ZNF516: variants seen among roughly 807,000 people sequenced by gnomAD.
ZNF516 encodes zinc finger protein 516.
In ZNF516, 19 loss-of-function variants were observed where a neutral mutation model predicts 79.7. The observed-to-expected ratio is 0.24, with a 90% CI of 0.17 to 0.35. ZNF516 has a LOEUF of 0.35. Among genes scored for constraint, ZNF516 ranks in the 10% least tolerant of loss-of-function variants. The probability of loss-of-function intolerance (pLI) is 1.00; values close to 1 mark genes in which losing one functional copy is unlikely to be tolerated. For synonymous variants in ZNF516, 877 were observed against 739.5 expected (o/e 1.19, Z -3.02); for missense variants, 1,678 against 1,679.5 (o/e 1.00, Z 0.02).
chr18:76,493,108 T>TC lies in ZNF516; in HGVS notation c.-272+2035dup, dbSNP rs370584253. 3 of 983,494 alleles carry TC rather than the reference T, an allele frequency of 3.1e-6. No individual in the cohort carries two copies. Among genetic ancestry groups the TC allele is most frequent in the African/African-American group, 1.8e-5 (1 of 56,752 alleles). 60.9% of individuals were successfully genotyped at this position (983,494 alleles called of 1,614,324 possible). A position where few individuals can be genotyped will look rare whatever the true frequency, so the allele number is the denominator to read the frequency against. On this transcript the variant is annotated intron_variant, in intron 1 of 6. Transcript: ENST00000443185. The surrounding 1 kb of genome is among the most constrained non-coding windows in gnomAD (Gnocchi z 5.2). ...GCAAAGCTGTTTCCTTTTTTTTTTT[T>TC]CCTCCTCTCCTCCCTACCGTTTCAT...
At chr18:76,474,769 G>C (rs1419399121) in intron 1 of ZNF516, among the ~76,000 whole-genome samples, 1 of 151,984 alleles carries the variant, frequency 6.6e-6, no homozygotes, top group African/African-American at 2.4e-5. Context: ...GCCTAATCAA[G>C]AAGAAAAAAG....
chr18:76,473,583 C>T lies in ZNF516; in HGVS notation c.-271-10442G>A, dbSNP rs181246457. Reference sequence around the variant, plus strand: ...TTGGGAGGCCAAGGTGGGCGGATCACGAGGTCAGGAGATGGAGACCATCCT... The same window carrying T: ...TTGGGAGGCCAAGGTGGGCGGATCATGAGGTCAGGAGATGGAGACCATCCT... On this transcript the variant is annotated intron_variant, in intron 1 of 6. Transcript: ENST00000443185. 1.9e-3 allele frequency among the ~76,000 whole-genome samples: 283 copies of T among 152,078 alleles called. 3 individuals carry two copies. Among genetic ancestry groups the T allele is most frequent in the African/African-American group, 6.2e-3 (258 of 41,516 alleles).
chr18:76,454,373 TTTTG>T (rs1408405634), intron 2 of ZNF516, among the ~76,000 whole-genome samples: 21 of 152,366 alleles, frequency 1.4e-4, no homozygotes, highest in Admixed American at 5.2e-4. Flanking sequence ...TTACTTAAGA[TTTTG>T]TTTATCATTG....
chr18:76,492,307 G>A (rs1238390007), intron 1 of ZNF516: 2 of 985,340 alleles, frequency 2.0e-6, no homozygotes, highest in East Asian at 1.1e-4. Flanking sequence ...CATCACTACC[G>A]ATATTCCTGA....
chr18:76,441,700 T>C lies in ZNF516; in HGVS notation c.1355A>G (p.Asp452Gly). 6.4e-7 allele frequency: 1 copy of C among 1,570,202 alleles called. No individual in the cohort carries two copies. Among genetic ancestry groups the C allele is most frequent in the Non-Finnish European group, 8.6e-7 (1 of 1,161,274 alleles). Residue 452 changes from aspartate to glycine, a missense_variant, in exon 3 of 7, where the codon GAC (aspartate) becomes GGC (glycine). By Grantham distance (94) the Asp-to-Gly change is moderately conservative. Around this residue, in one of 5 missense-constraint regions of ZNF516, gnomAD observed 1,294 missense variants for 1,248.3 expected, o/e 1.04. Coordinates refer to ENST00000443185, the MANE Select transcript of ZNF516 (RefSeq NM_014643.4). ...ALAGDVAFDK[D>G]RREYVLVSQE... Reference sequence around the variant, plus strand: ...GCTCACCAGGACGTACTCGCGCCTGTCCTTGTCGAAGGCCACGTCCCCGGC... The same window carrying C: ...GCTCACCAGGACGTACTCGCGCCTGCCCTTGTCGAAGGCCACGTCCCCGGC...
chr18:76,415,848 C>G (rs2075426653), intron 3 of ZNF516, among the ~76,000 whole-genome samples: 1 of 152,144 alleles, frequency 6.6e-6, no homozygotes. Context: ...GGCCCTGGGT[C>G]CCTTAACAAT....
At chr18:76,453,188 C>G (rs1395825020) in intron 2 of ZNF516, among the ~76,000 whole-genome samples, 1 of 152,192 alleles carries the variant, frequency 6.6e-6, no homozygotes, top group Non-Finnish European at 1.5e-5. Context: ...CTGTTTAGAG[C>G]CCCTTCGTCT....
chr18:76,447,265 C>T (rs1336011902), intron 2 of ZNF516, among the ~76,000 whole-genome samples: 2 of 152,216 alleles, frequency 1.3e-5, no homozygotes, highest in African/African-American at 4.8e-5. Context: ...ATTGGGACGT[C>T]AGCGGCCCTG....
intron 2 of ZNF516, among the ~76,000 whole-genome samples, chr18:76,461,737 G>A (rs1246781834): frequency 9.9e-5 from 15 of 152,220 alleles, no homozygotes; most frequent in Non-Finnish European, 1.5e-5. Flanking sequence ...AGATTCAGCA[G>A]TACCGAAAAT....
chr18:76,466,399 A>G (rs970969539), intron 1 of ZNF516, among the ~76,000 whole-genome samples: 12 of 152,128 alleles, frequency 7.9e-5, no homozygotes, highest in African/African-American at 2.9e-4. Flanking sequence ...CACTCCCATA[A>G]TGGTGCACCC....
upstream of ZNF516, chr18:76,495,729 T>C: frequency 8.5e-7 from 1 of 1,177,198 alleles, no homozygotes; most frequent in South Asian, 1.5e-5. Context: ...CGCCGGCGGG[T>C]ACCTGGGCAC....
rs755918218 is a variant in ZNF516, at chr18:76,380,104, A to C, written c.2010T>G (p.Ser670=). Residue 670 remains serine, a synonymous_variant, in exon 4 of 7, where the codon TCT becomes TCG. Transcript: ENST00000443185. ...TSRRQEQHRF[S]MDLKMPAFHP... ...GAAATGCTGGCATCTTTAAGTCCAT[A>C]GAAAATCTGTGCTGCTCTTGCCTTC... 22 of 1,613,820 alleles carry C rather than the reference A, an allele frequency of 1.4e-5. No individual in the cohort carries two copies. The highest frequency in any genetic ancestry group is 1.9e-5 in the Non-Finnish European group (22 of 1,179,880).
At chr18:76,427,013 T>A (rs2075602852) in intron 3 of ZNF516, among the ~76,000 whole-genome samples, 1 of 152,164 alleles carries the variant, frequency 6.6e-6, no homozygotes, top group African/African-American at 2.4e-5. Context: ...CCATGGGTCC[T>A]GCTATCTGGG....
intron 3 of ZNF516, among the ~76,000 whole-genome samples, chr18:76,398,816 A>C (rs1353133015): frequency 6.6e-6 from 1 of 152,244 alleles, no homozygotes; most frequent in Non-Finnish European, 1.5e-5. Context: ...TAGCACCTGC[A>C]TGGCTTTCTA....
At chr18:76,398,570 G>A (rs921423848) in intron 3 of ZNF516, among the ~76,000 whole-genome samples, 17 of 152,202 alleles carry the variant, frequency 1.1e-4, no homozygotes, top group African/African-American at 3.9e-4. Flanking sequence ...TTAGAGTAAG[G>A]AGGAGAGCAG....
chr18:76,396,344 C>T (rs374369825), intron 3 of ZNF516, among the ~76,000 whole-genome samples: 20 of 152,288 alleles, frequency 1.3e-4, no homozygotes, highest in African/African-American at 1.4e-4. Context: ...ATATATGGCG[C>T]GCAGGGTCAC....
chr18:76,397,366 AAAAAAAAAG>A (rs913836521), intron 3 of ZNF516, among the ~76,000 whole-genome samples: 2 of 148,992 alleles, frequency 1.3e-5, no homozygotes, highest in Non-Finnish European at 3.0e-5. Context: ...TGTGAACTAC[AAAAAAAAAG>A]AAAAAAAAAT....
intron 1 of ZNF516, among the ~76,000 whole-genome samples, chr18:76,464,934 G>A (rs891060843): frequency 5.3e-5 from 8 of 152,144 alleles, no homozygotes; most frequent in East Asian, 3.9e-4. Context: ...TTAGTGATGC[G>A]GAGAAACTAC....
chr18:76,491,017 GC>G, intron 1 of ZNF516: 1 of 985,294 alleles, frequency 1.0e-6, no homozygotes, highest in Non-Finnish European at 1.2e-6. Context: ...GGTGCCCACC[GC>G]CAACTCCCAC....
Sources: gnomAD v4.1 joint callset for allele counts (sites outside exome capture counted in the v4.1 genomes callset) on GRCh38, gnomAD v4.1.1 for gene constraint, gnomAD v4.1.1 regional missense constraint, Gnocchi (gnomAD v3.1) non-coding constraint, MANE v1.5 for transcripts, NCBI Gene and HGNC (gene_info 2026-07-23, HGNC 2026-07-21) for gene names.